BBS9: variants seen among roughly 807,000 people sequenced by gnomAD.
The protein encoded by BBS9 is protein PTHB1.
In BBS9, 89 loss-of-function variants were observed where a neutral mutation model predicts 117.7. The ratio of observed to expected loss-of-function variants is 0.76; its 90% CI spans 0.64 to 0.90. The LOEUF is 0.90. BBS9 is among the 40% of genes least tolerant of loss of function. The pLI is 0.00. For synonymous variants in BBS9, 379 were observed against 370.9 expected (o/e 1.02, Z -0.25); for missense variants, 982 against 1,042.2 (o/e 0.94, Z 0.80).
In BBS9 at chr7:33,368,615, CA is replaced by C. The variant is rs1455751884; in HGVS notation, c.1789+754del. The stretch of plus-strand genomic sequence containing the variant: ...ACACACACACACACACACACACACA[CA>C]CCCATACCCCCTTGAAATAGTCTGG... On this transcript the variant is annotated intron_variant, in intron 17 of 22. Coordinates refer to ENST00000242067, the MANE Select transcript of BBS9 (RefSeq NM_198428.3). Among the ~76,000 whole-genome samples, 656 of 150,924 alleles carry C rather than the reference CA, an allele frequency of 4.3e-3. 6 individuals carry two copies. Among genetic ancestry groups the C allele is most frequent in the African/African-American group, 0.015 (626 of 40,988 alleles).
intron 20 of BBS9, among the ~76,000 whole-genome samples, chr7:33,510,900 A>G (rs1441073377): frequency 6.6e-6 from 1 of 152,240 alleles, no homozygotes; most frequent in Non-Finnish European, 1.5e-5. Flanking sequence ...AGGGTAGGAT[A>G]CTGACATTAA....
At chr7:33,354,893 T>C (rs1477099151) in intron 15 of BBS9, among the ~76,000 whole-genome samples, 1 of 152,028 alleles carries the variant, frequency 6.6e-6, no homozygotes, top group Non-Finnish European at 1.5e-5. Flanking sequence ...GGAAGGGAAA[T>C]GTTTGAAGGA....
At chr7:33,590,439 G>GTTTGTTTT (rs71554106) in intron 21 of BBS9, among the ~76,000 whole-genome samples, 20 of 77,106 alleles carry the variant, frequency 2.6e-4, no homozygotes, top group East Asian at 6.5e-4. Flanking sequence ...ACTGGCCACT[G>GTTTGTTTT]TTTGTTTTTT....
intron 5 of BBS9, among the ~76,000 whole-genome samples, chr7:33,239,610 A>T (rs1436440930): frequency 6.6e-6 from 1 of 152,148 alleles, no homozygotes; most frequent in Non-Finnish European, 1.5e-5. Context: ...ATTTTTTATG[A>T]TATCAAATAT....
intron 19 of BBS9, among the ~76,000 whole-genome samples, chr7:33,408,486 C>G (rs1175231215): frequency 1.3e-5 from 2 of 152,274 alleles, no homozygotes; most frequent in Non-Finnish European, 2.9e-5. Context: ...TGAGATGAAC[C>G]CAGTACCTCA....
intron 4 of BBS9, among the ~76,000 whole-genome samples, chr7:33,168,803 C>CT (rs201347621): frequency 2.0e-5 from 3 of 151,820 alleles, no homozygotes; most frequent in African/African-American, 7.3e-5. Flanking sequence ...GCATATCTTG[C>CT]TTTTTTTTAT....
intron 9 of BBS9, among the ~76,000 whole-genome samples, chr7:33,303,595 T>C (rs866334150): frequency 7.1e-6 from 1 of 141,610 alleles, no homozygotes; most frequent in African/African-American, 2.6e-5. Context: ...CTCGGCTCGC[T>C]GCAACCTCCC....
intron 3 of BBS9, among the ~76,000 whole-genome samples, chr7:33,153,864 T>C (rs1476033338): frequency 2.6e-5 from 4 of 152,174 alleles, no homozygotes; most frequent in Admixed American, 2.6e-4. Context: ...AGATGGTGAT[T>C]AGGTTCCCAT....
intron 7 of BBS9, among the ~76,000 whole-genome samples, chr7:33,265,417 T>C (rs1252108273): frequency 6.6e-6 from 1 of 152,158 alleles, no homozygotes; most frequent in Non-Finnish European, 1.5e-5. Context: ...ACCATAGTAA[T>C]AATAGTTAAA....
intron 9 of BBS9, among the ~76,000 whole-genome samples, chr7:33,312,083 C>G (rs1359079752): frequency 6.6e-6 from 1 of 152,230 alleles, no homozygotes; most frequent in Admixed American, 6.5e-5. Context: ...TACCCTTAAA[C>G]CTCTGTTCCT....
intron 21 of BBS9, among the ~76,000 whole-genome samples, chr7:33,555,427 G>C (rs1855143903): frequency 6.6e-6 from 1 of 152,150 alleles, no homozygotes; most frequent in African/African-American, 2.4e-5. Flanking sequence ...CATGGAGCCT[G>C]TTTTTTCAGA....
intron 19 of BBS9, among the ~76,000 whole-genome samples, chr7:33,418,200 CA>C (rs1328302844): frequency 6.6e-6 from 1 of 152,196 alleles, no homozygotes; most frequent in Non-Finnish European, 1.5e-5. Context: ...TTTTTGATTA[CA>C]AATGTGTGTT....
chr7:33,449,419 G>A (rs1837455525), intron 19 of BBS9, among the ~76,000 whole-genome samples: 1 of 152,156 alleles, frequency 6.6e-6, no homozygotes, highest in African/African-American at 2.4e-5. Context: ...AACTCAGCAT[G>A]CTTCACCAAT....
At chr7:33,386,071 G>T (rs1825951398) in intron 18 of BBS9, among the ~76,000 whole-genome samples, 1 of 151,938 alleles carries the variant, frequency 6.6e-6, no homozygotes, top group Non-Finnish European at 1.5e-5. Flanking sequence ...CATGGCACAT[G>T]TATACATATG....
At chr7:33,287,936 C>T (rs988658294) in intron 9 of BBS9, among the ~76,000 whole-genome samples, 1 of 152,040 alleles carries the variant, frequency 6.6e-6, no homozygotes, top group African/African-American at 2.4e-5. Context: ...AAGCTTTGGG[C>T]ACAGATGAGG....
At chr7:33,572,182 G>A (rs573417198) in intron 21 of BBS9, among the ~76,000 whole-genome samples, 83 of 151,998 alleles carry the variant, frequency 5.5e-4, no homozygotes, top group African/African-American at 1.9e-3. Flanking sequence ...GTTAAGGCAG[G>A]ATAAGAACAT....
In BBS9 at chr7:33,432,885, C is replaced by T. The variant is rs572164036; in HGVS notation, c.2115+44741C>T. 6.6e-5 allele frequency among the ~76,000 whole-genome samples: 10 copies of T among 152,046 alleles called. No individual in the cohort carries two copies. The East Asian group carries it at 1.4e-3, about 21-fold the overall frequency. The stretch of plus-strand genomic sequence containing the variant: ...GATTTTAGAGTTAAGAATCCTTTTA[C>T]CTGCTAGTTTCTTCTCTCCCTCATT... On this transcript the variant is annotated intron_variant, in intron 19 of 22. Transcript: ENST00000242067.
chr7:33,312,966 A>G (rs1488145815), intron 9 of BBS9, among the ~76,000 whole-genome samples: 1 of 151,650 alleles, frequency 6.6e-6, no homozygotes, highest in Non-Finnish European at 1.5e-5. Flanking sequence ...ATTGGTATTC[A>G]ATATGTATTT....
At chr7:33,315,097 G>C (rs1000128272) in intron 9 of BBS9, among the ~76,000 whole-genome samples, 1 of 152,144 alleles carries the variant, frequency 6.6e-6, no homozygotes, top group Non-Finnish European at 1.5e-5. Flanking sequence ...TGGTTTCCTA[G>C]GGCTGCTGTA....
Sources: gnomAD v4.1 joint callset for allele counts (sites outside exome capture counted in the v4.1 genomes callset) on GRCh38, gnomAD v4.1.1 for gene constraint, MANE v1.5 for transcripts, NCBI Gene and HGNC (gene_info 2026-07-23, HGNC 2026-07-21) for gene names.